The following FAM171A1 variants were observed in gnomAD, a reference collection of about 807,000 sequenced individuals.
FAM171A1 encodes the protein family with sequence similarity 171 member A1.
FAM171A1 carries 23 observed loss-of-function variants against 74.9 expected under a neutral mutation model. The observed-to-expected ratio is 0.31, with a 90% confidence interval of 0.22 to 0.44. The LOEUF (loss-of-function observed/expected upper bound fraction) is 0.44. Ranked by LOEUF, FAM171A1 falls within the 20% of genes least tolerant of loss-of-function variation. FAM171A1 has a pLI of 1.00. For missense variants in FAM171A1, 1,162 were observed against 1,159.2 expected, an observed-to-expected ratio of 1.00 and a Z score of -0.03; for synonymous variants, 527 against 505.7, an observed-to-expected ratio of 1.04 and a Z score of -0.57.
intron 1 of FAM171A1, among the ~76,000 whole-genome samples, chr10:15,333,252 G>C (rs1835662073): frequency 6.6e-6 from 1 of 152,242 alleles, no homozygotes; most frequent in Non-Finnish European, 1.5e-5. Context: ...CCAGTACTTT[G>C]GGAGGCCGAG....
At chr10:15,256,538 G>A (rs960328199) in intron 3 of FAM171A1, among the ~76,000 whole-genome samples, 2 of 152,116 alleles carry the variant, frequency 1.3e-5, no homozygotes, top group Admixed American at 6.5e-5. Flanking sequence ...ATCTAACTCC[G>A]GTCATCTCTG....
intron 1 of FAM171A1, among the ~76,000 whole-genome samples, chr10:15,301,760 A>T (rs1290974737): frequency 6.6e-6 from 1 of 152,184 alleles, no homozygotes; most frequent in Non-Finnish European, 1.5e-5. Context: ...TGAGTAATAA[A>T]CATCCCTTAT....
chr10:15,239,940 G>C (rs1473625856), intron 5 of FAM171A1, among the ~76,000 whole-genome samples: 1 of 152,224 alleles, frequency 6.6e-6, no homozygotes, highest in Non-Finnish European at 1.5e-5. Flanking sequence ...AGTGAGCATT[G>C]CCTTTGGGCA....
intron 5 of FAM171A1, among the ~76,000 whole-genome samples, chr10:15,221,416 G>T (rs1457686895): frequency 6.6e-6 from 1 of 152,210 alleles, no homozygotes; most frequent in Non-Finnish European, 1.5e-5. Flanking sequence ...AGTGAAAAGA[G>T]AGGGGGAAAT....
Position 15,216,028 on chromosome 10 carries a change from C to G in FAM171A1, c.954G>C (p.Leu318Phe), listed in dbSNP as rs767615993. The G allele has an allele frequency of 8.7e-6, 14 of 1,609,408 alleles. No homozygotes were observed. In the South Asian group the frequency reaches 1.4e-4, roughly 17 times the overall value. The change falls in exon 7 of 8, where the codon TTG (leucine) becomes TTC (phenylalanine). Residue 318 changes from leucine (L) to phenylalanine (F), a missense_variant. Transcript: ENST00000378116. Reference sequence around the variant, plus strand: ...AATATAAAAGGAGACACAGCAAAACCAAAAGTATGAAAGCCATTCCTCCTA... The same window carrying G: ...AATATAAAAGGAGACACAGCAAAACGAAAAGTATGAAAGCCATTCCTCCTA... The part of the protein sequence containing the change: ...AILGGMAFIL[L>F]VLLCLLLYYC...
Position 15,284,110 on chromosome 10 carries a change from A to T in FAM171A1, c.98-5T>A. The T allele has an allele frequency of 6.2e-7, 1 of 1,612,192 alleles. No homozygotes were observed. Among genetic ancestry groups the T allele is most frequent in the Non-Finnish European group, 8.5e-7 (1 of 1,179,714 alleles). On this transcript the variant is annotated splice_polypyrimidine_tract_variant and splice_region_variant and intron_variant, in intron 1 of 7. Transcript: ENST00000378116. ...TGTGCACCTTTAACGTCACCTCTGG[A>T]GGTAGAGAAAGCACAAAGAACAGCT...
At chr10:15,360,228 T>C (rs1835978267) in intron 1 of FAM171A1, among the ~76,000 whole-genome samples, 1 of 152,194 alleles carries the variant, frequency 6.6e-6, no homozygotes, top group African/African-American at 2.4e-5. Flanking sequence ...CCACCACACC[T>C]GGGCCCGATG....
At chr10:15,297,022 G>A (rs1156455650) in intron 1 of FAM171A1, among the ~76,000 whole-genome samples, 2 of 152,016 alleles carry the variant, frequency 1.3e-5, no homozygotes, top group Admixed American at 6.6e-5. Context: ...GGCTCCTACC[G>A]GCTGCTCATC....
chr10:15,260,579 T>C (rs1834643127), intron 3 of FAM171A1, among the ~76,000 whole-genome samples: 1 of 152,214 alleles, frequency 6.6e-6, no homozygotes, highest in African/African-American at 2.4e-5. Flanking sequence ...TGAAGCTCCT[T>C]AAACCAGGCG....
At chr10:15,369,769 G>A (rs1214831364) in intron 1 of FAM171A1, among the ~76,000 whole-genome samples, 1 of 152,218 alleles carries the variant, frequency 6.6e-6, no homozygotes, top group African/African-American at 2.4e-5. Flanking sequence ...GCCGAGGAAA[G>A]GGGGTTCCAG....
chr10:15,222,340 A>AGT (rs1834049490), intron 5 of FAM171A1, among the ~76,000 whole-genome samples: 2 of 152,156 alleles, frequency 1.3e-5, no homozygotes, highest in East Asian at 3.9e-4. Context: ...TCCTTATGCA[A>AGT]ACCTAGATGG....
chr10:15,261,903 A>G (rs540036980), intron 3 of FAM171A1, among the ~76,000 whole-genome samples: 2 of 152,286 alleles, frequency 1.3e-5, no homozygotes, highest in African/African-American at 4.8e-5. Flanking sequence ...GGAACGCTTG[A>G]GGCCAGGAGT....
At chr10:15,339,784 C>T (rs1028772374) in intron 1 of FAM171A1, among the ~76,000 whole-genome samples, 3 of 152,072 alleles carry the variant, frequency 2.0e-5, no homozygotes, top group Non-Finnish European at 4.4e-5. Flanking sequence ...TAAAGACATA[C>T]CCGAGACTGG....
At position 15,263,848 on chromosome 10, in the gene FAM171A1, C is replaced by CATCT. The variant is rs56341083; in HGVS notation, c.419-8973_419-8970dup. Among the ~76,000 whole-genome samples, 1,398 of 143,864 alleles carry CATCT rather than the reference C, an allele frequency of 9.7e-3. 9 individuals are homozygous for CATCT. Among genetic ancestry groups the CATCT allele is most frequent in the East Asian group, 0.012 (59 of 4,840 alleles). The allele number at this position is 143,864 out of a possible 152,430, so 94.4% of individuals were successfully genotyped here. ...CTATCATCTATCTATACATTTATCT[C>CATCT]ATCTATCTATCTATCTATCTATCTA... On this transcript the variant is annotated intron_variant, in intron 3 of 7. Coordinates refer to ENST00000378116, the MANE Select transcript of FAM171A1 (RefSeq NM_001010924.2).
intron 1 of FAM171A1, among the ~76,000 whole-genome samples, chr10:15,345,420 AG>A (rs148921504): frequency 0.02 from 3,109 of 152,328 alleles, 48 homozygotes; most frequent in Non-Finnish European, 0.032. Flanking sequence ...GCAGAACGAG[AG>A]GGGATGACAC....
chr10:15,333,657 C>T (rs575029305), intron 1 of FAM171A1, among the ~76,000 whole-genome samples: 3 of 152,076 alleles, frequency 2.0e-5, no homozygotes, highest in African/African-American at 7.2e-5. Context: ...ATGAGACCCC[C>T]AACTTTACAA....
At chr10:15,313,543 G>A (rs957179367) in intron 1 of FAM171A1, among the ~76,000 whole-genome samples, 1 of 152,208 alleles carries the variant, frequency 6.6e-6, no homozygotes, top group South Asian at 2.1e-4. Flanking sequence ...AAGAGATACT[G>A]TAACAAGTCA....
intron 2 of FAM171A1, 78 bp downstream of exon 2, chr10:15,283,800 G>C: frequency 1.4e-6 from 2 of 1,443,022 alleles, no homozygotes; most frequent in Non-Finnish European, 1.9e-6. Context: ...GCCCAAGCTG[G>C]TTTCAGACTC....
chr10:15,215,935 G>A (rs764352665), intron 7 of FAM171A1, 61 bp downstream of exon 7: 5 of 1,049,314 alleles, frequency 4.8e-6, no homozygotes, highest in Non-Finnish European at 5.5e-6. Context: ...ATGCTTCTAA[G>A]TATCAATTGC....
Sources: allele counts gnomAD v4.1 joint callset (sites outside exome capture counted in the v4.1 genomes callset), GRCh38; gene constraint gnomAD v4.1.1; transcripts MANE v1.5; gene names NCBI Gene and HGNC (gene_info 2026-07-23, HGNC 2026-07-21).